Variants in NAV2 observed in about 807,000 individuals in gnomAD.
NAV2 encodes neuron navigator 2.
In NAV2, 54 loss-of-function variants were observed where a neutral mutation model predicts 223.2. That is an observed-to-expected ratio of 0.24 (90% CI 0.19 to 0.30). The LOEUF (loss-of-function observed/expected upper bound fraction) is 0.30. NAV2 is among the 10% of genes least tolerant of loss of function. NAV2 has a pLI of 1.00. For synonymous variants in NAV2, 1,279 were observed against 1,239.3 expected, an observed-to-expected ratio of 1.03 and a Z score of -0.67; for missense variants, 2,806 against 3,147.5, an observed-to-expected ratio of 0.89 and a Z score of 2.60.
chr11:19,448,595 G>A (rs1292610886), intron 1 of NAV2, among the ~76,000 whole-genome samples: 2 of 152,178 alleles, frequency 1.3e-5, no homozygotes, highest in Admixed American at 6.5e-5. Context: ...CGGACATTTT[G>A]TTTTACGAGG....
intron 18 of NAV2, among the ~76,000 whole-genome samples, chr11:20,054,577 G>A (rs2058245786): frequency 6.6e-6 from 1 of 152,110 alleles, no homozygotes; most frequent in Admixed American, 6.5e-5. Flanking sequence ...GATATTGGTA[G>A]GGCTATAGCA....
intron 1 of NAV2, among the ~76,000 whole-genome samples, chr11:19,494,073 C>G (rs1332011330): frequency 6.6e-6 from 1 of 152,198 alleles, no homozygotes; most frequent in African/African-American, 2.4e-5. Flanking sequence ...CCCTGGGACA[C>G]AGGACCCCAA....
intron 1 of NAV2, among the ~76,000 whole-genome samples, chr11:19,826,409 C>T (rs764712811): frequency 3.9e-5 from 6 of 152,322 alleles, no homozygotes; most frequent in East Asian, 3.9e-4. Flanking sequence ...TTACTCAAAA[C>T]GCACATTGCT....
chr11:19,518,697 T>A (rs2043542584), intron 1 of NAV2: 1 of 152,238 alleles, frequency 6.6e-6, no homozygotes, highest in South Asian at 2.1e-4. Context: ...AAAGCAGAGA[T>A]CACATCTGAC....
At position 20,116,852 on chromosome 11, in the gene NAV2, C is replaced by T. The variant is rs991668321; in HGVS notation, c.7165-1281C>T. ...CTCTTCTGTATTAATCCTTCTCACT[C>T]ATGAGACTGAGACTTCCATGAAAAC... On this transcript the variant is annotated intron_variant, in intron 37 of 37. Transcript: ENST00000349880. 5.9e-5 allele frequency among the ~76,000 whole-genome samples: 9 copies of T among 152,342 alleles called. No homozygotes were observed. In the East Asian group the frequency reaches 1.7e-3, roughly 29 times the overall value.
intron 1 of NAV2, among the ~76,000 whole-genome samples, chr11:19,563,475 A>C (rs921735298): frequency 2.0e-5 from 3 of 152,216 alleles, no homozygotes; most frequent in African/African-American, 7.2e-5. Flanking sequence ...AACAACTGTA[A>C]AGTAAAATGA....
At chr11:19,667,848 A>G (rs2048458955) in intron 1 of NAV2, among the ~76,000 whole-genome samples, 1 of 152,232 alleles carries the variant, frequency 6.6e-6, no homozygotes, top group South Asian at 2.1e-4. Context: ...GAATTTCAAC[A>G]TAACTCAAGT....
intron 10 of NAV2, among the ~76,000 whole-genome samples, chr11:19,969,954 AAAG>A (rs1260347558): frequency 6.6e-6 from 1 of 151,948 alleles, no homozygotes; most frequent in Non-Finnish European, 1.5e-5. Context: ...TCAAAAAAAA[AAAG>A]AAAAAAAGAA....
intron 10 of NAV2, among the ~76,000 whole-genome samples, chr11:19,958,183 G>C (rs577924133): frequency 6.6e-6 from 1 of 152,248 alleles, no homozygotes; most frequent in African/African-American, 2.4e-5. Flanking sequence ...CAAAGCACAG[G>C]GTCTTCTGGC....
At chr11:19,619,172 G>T (rs1179399848) in intron 1 of NAV2, among the ~76,000 whole-genome samples, 3 of 151,312 alleles carry the variant, frequency 2.0e-5, no homozygotes, top group Non-Finnish European at 1.5e-5. Context: ...TGGGCATTTG[G>T]GTTGGTTCCA....
At chr11:19,809,249 T>C (rs2058735510) in intron 1 of NAV2, among the ~76,000 whole-genome samples, 1 of 152,212 alleles carries the variant, frequency 6.6e-6, no homozygotes, top group South Asian at 2.1e-4. Flanking sequence ...CCCATGTATG[T>C]TGTTTGTGTG....
chr11:19,872,954 G>A (rs916666498), intron 4 of NAV2, among the ~76,000 whole-genome samples: 2 of 152,182 alleles, frequency 1.3e-5, no homozygotes, highest in African/African-American at 4.8e-5. Context: ...CTGGGGTGGT[G>A]TTCAAGATCC....
At chr11:19,756,481 G>A (rs1212841233) in intron 1 of NAV2, among the ~76,000 whole-genome samples, 1 of 152,160 alleles carries the variant, frequency 6.6e-6, no homozygotes, top group Non-Finnish European at 1.5e-5. Flanking sequence ...CAGTCATGAA[G>A]GGTGACTGAG....
Position 19,418,870 on chromosome 11 carries a change from TAGG to T in NAV2, c.75+67848_75+67850del, listed in dbSNP as rs201244429. Among the ~76,000 whole-genome samples, 151 of 152,118 alleles carry T rather than the reference TAGG, an allele frequency of 9.9e-4. No homozygotes were observed. In the East Asian group the frequency reaches 0.024, roughly 24 times the overall value. ...GGTTAGGCTATAGTGGGAGTCCAGG[TAGG>T]AGGATGATGGGCTCATCTCTGGTAG... On this transcript the variant is annotated intron_variant, in intron 1 of 37. Coordinates refer to the NAV2 transcript ENST00000360655.
Position 19,933,706 on chromosome 11 carries a change from GAGA to G in NAV2, c.1465_1467del (p.Lys489del), listed in dbSNP as rs2045594782. On this transcript the variant is annotated inframe_deletion, in exon 7 of 38. Coordinates refer to ENST00000349880, the MANE Select transcript of NAV2 (RefSeq NM_145117.5). This position sits in a 1 kb window ranked among gnomAD's most constrained non-coding sequence, Gnocchi z 4.3. ...GAGTTCTCTGAAAGGCAATGAGAAA[GAGA>G]AGGAGAAACAACAGCGGGAGAAGGA... 1 of 1,614,212 alleles carries G rather than the reference GAGA, an allele frequency of 6.2e-7. No individual in the cohort carries two copies. The highest frequency in any genetic ancestry group is 8.5e-7 in the Non-Finnish European group (1 of 1,180,036).
intron 8 of NAV2, among the ~76,000 whole-genome samples, chr11:19,942,335 A>G (rs2046470187): frequency 6.6e-6 from 1 of 152,196 alleles, no homozygotes; most frequent in Non-Finnish European, 1.5e-5. Flanking sequence ...GGAGGAAGGC[A>G]AATATTTCCC....
At chr11:19,437,502 T>C (rs549884910) in intron 1 of NAV2, among the ~76,000 whole-genome samples, 1 of 152,294 alleles carries the variant, frequency 6.6e-6, no homozygotes, top group Admixed American at 6.5e-5. Context: ...TTGTCTTTCT[T>C]TGCACCATTA....
At chr11:19,456,996 G>A (rs1049538157) in intron 1 of NAV2, among the ~76,000 whole-genome samples, 2 of 152,104 alleles carry the variant, frequency 1.3e-5, no homozygotes, top group Non-Finnish European at 2.9e-5. Flanking sequence ...TGTAAAGTAC[G>A]GTCAAGGCAG....
intron 1 of NAV2, among the ~76,000 whole-genome samples, chr11:19,694,532 A>G (rs1401094801): frequency 6.6e-6 from 1 of 152,190 alleles, no homozygotes; most frequent in Non-Finnish European, 1.5e-5. Context: ...CCTATTTTAC[A>G]CTGAAGAAAC....
Sources: allele counts gnomAD v4.1 joint callset (sites outside exome capture counted in the v4.1 genomes callset), GRCh38; gene constraint gnomAD v4.1.1; non-coding constraint Gnocchi (gnomAD v3.1); transcripts MANE v1.5; gene names NCBI Gene and HGNC (gene_info 2026-07-23, HGNC 2026-07-21).